Variants in DPP6 observed in about 807,000 individuals in gnomAD.
DPP6 encodes the protein A-type potassium channel modulatory protein DPP6.
Under a neutral mutation model 122.6 loss-of-function variants are expected in DPP6, and 69 were observed. The observed-to-expected ratio is 0.56, with a 90% confidence interval of 0.46 to 0.69. DPP6 has a LOEUF of 0.69. DPP6 is among the 30% of genes least tolerant of loss of function. The pLI, the probability that DPP6 is intolerant of heterozygous loss-of-function variation, is 0.00. For synonymous variants in DPP6, 418 were observed against 433.1 expected, an observed-to-expected ratio of 0.97 and a Z score of 0.43; for missense variants, 928 against 1,116.9, an observed-to-expected ratio of 0.83 and a Z score of 2.41.
intron 1 of DPP6, among the ~76,000 whole-genome samples, chr7:154,396,621 T>G (rs1313945649): frequency 2.0e-5 from 3 of 152,238 alleles, no homozygotes; most frequent in Non-Finnish European, 4.4e-5. Context: ...TTGGTTTCCC[T>G]GATATTTTTC....
intron 12 of DPP6, among the ~76,000 whole-genome samples, chr7:154,799,350 T>C (rs968673555): frequency 6.6e-6 from 1 of 152,126 alleles, no homozygotes; most frequent in Non-Finnish European, 1.5e-5. Flanking sequence ...CCTCTAGGAA[T>C]ATTCCAGAGA....
chr7:154,389,957 G>A (rs767863734), intron 1 of DPP6, among the ~76,000 whole-genome samples: 6 of 152,206 alleles, frequency 3.9e-5, no homozygotes, highest in Admixed American at 2.0e-4. Context: ...ATGCGGGTTT[G>A]CAATGTTCAA....
the DPP6 span, among the ~76,000 whole-genome samples, chr7:153,782,858 T>C: frequency 6.6e-6 from 1 of 152,094 alleles, no homozygotes; most frequent in Non-Finnish European, 1.5e-5. Flanking sequence ...TCAAGGTCCA[T>C]AGACATGGAA....
In DPP6 at chr7:154,727,752, C is replaced by A; in HGVS notation, c.763-15C>A. 1 of 1,596,538 alleles carries A rather than the reference C, an allele frequency of 6.3e-7. No homozygotes were observed. Among genetic ancestry groups the A allele is most frequent in the Non-Finnish European group, 8.5e-7 (1 of 1,171,338 alleles). On this transcript the variant is annotated splice_polypyrimidine_tract_variant and intron_variant, in intron 7 of 25. Transcript: ENST00000377770. ...TCCTTGCTTAATATTATGCTTTTTT[C>A]TCTTTCCAAATTAGATATTTATTTT... is the stretch of plus-strand genomic sequence containing the variant.
At chr7:153,873,632 C>A in the DPP6 span, among the ~76,000 whole-genome samples, 5 of 152,142 alleles carry the variant, frequency 3.3e-5, no homozygotes, top group Non-Finnish European at 7.3e-5. Flanking sequence ...GGAGGGGCTT[C>A]CTTGTGAACA....
intron 6 of DPP6, 108 bp from the exon 7 acceptor site, chr7:154,669,252 A>G: frequency 1.3e-6 from 2 of 1,502,798 alleles, no homozygotes; most frequent in East Asian, 2.5e-5. Context: ...AATGGATACC[A>G]TGGAAGGAGA....
intron 1 of DPP6, among the ~76,000 whole-genome samples, chr7:154,201,166 C>A (rs913588956): frequency 1.3e-5 from 2 of 152,066 alleles, no homozygotes; most frequent in Middle Eastern, 3.4e-3. Flanking sequence ...TCCCTCCTGT[C>A]CCCCAGGCTG....
intron 3 of DPP6, among the ~76,000 whole-genome samples, chr7:154,518,389 A>G (rs1257070016): frequency 6.6e-6 from 1 of 152,200 alleles, no homozygotes; most frequent in Non-Finnish European, 1.5e-5. Context: ...CAGGATTTTG[A>G]ATTTTTAAAG....
At chr7:153,904,020 G>T (rs930699392) in intron 1 of DPP6, among the ~76,000 whole-genome samples, 1 of 152,098 alleles carries the variant, frequency 6.6e-6, no homozygotes, top group African/African-American at 2.4e-5. Flanking sequence ...AAAGTATTTT[G>T]CTAACTAGCG....
intron 5 of DPP6, among the ~76,000 whole-genome samples, chr7:154,621,695 C>T (rs923426388): frequency 5.9e-5 from 9 of 152,092 alleles, no homozygotes; most frequent in African/African-American, 9.7e-5. Context: ...AATTCTAGGC[C>T]GTAATTTTTT....
rs769081715 is a variant in DPP6, at chr7:153,944,663, G to GTTTTT, written c.51+56929_51+56930insTTTTT. Among the ~76,000 whole-genome samples, 733 of 103,620 alleles carry GTTTTT rather than the reference G, an allele frequency of 7.1e-3. 46 individuals are homozygous for GTTTTT. The highest frequency in any genetic ancestry group is 0.013 in the East Asian group (47 of 3,760). The allele number at this position is 103,620 out of a possible 152,430, so 68.0% of individuals were successfully genotyped here. On this transcript the variant is annotated intron_variant, in intron 1 of 25. Transcript: ENST00000404039. ...ACCATCAGTTTCTTATTTTTGTGTGGGTTTTTTTTTTTTTTTTTTTTTTGA... is the reference window on the plus strand; with the variant it reads ...ACCATCAGTTTCTTATTTTTGTGTGGTTTTTGTTTTTTTTTTTTTTTTTTTTTTGA...
the DPP6 span, among the ~76,000 whole-genome samples, chr7:153,852,150 T>C: frequency 6.6e-6 from 1 of 152,198 alleles, no homozygotes; most frequent in Non-Finnish European, 1.5e-5. Flanking sequence ...TCTGTTAGGC[T>C]CGATGTCAGC....
chr7:154,516,623 C>T (rs1339441579), intron 3 of DPP6, among the ~76,000 whole-genome samples: 1 of 152,156 alleles, frequency 6.6e-6, no homozygotes, highest in Non-Finnish European at 1.5e-5. Context: ...TCTGATTTAA[C>T]ACATGGAGTG....
At chr7:154,425,619 T>TGG (rs1491181265) in intron 1 of DPP6, among the ~76,000 whole-genome samples, 23 of 103,222 alleles carry the variant, frequency 2.2e-4, no homozygotes, top group African/African-American at 1.2e-3. Flanking sequence ...TGTGTGTGTG[T>TGG]GGGTGTGTGT....
chr7:153,864,200 G>A, the DPP6 span, among the ~76,000 whole-genome samples: 32 of 152,220 alleles, frequency 2.1e-4, no homozygotes, highest in Non-Finnish European at 3.8e-4. Context: ...CAGTCCCACC[G>A]GTAATGTATG....
At chr7:154,211,846 C>G (rs1799758699) in intron 1 of DPP6, among the ~76,000 whole-genome samples, 1 of 152,188 alleles carries the variant, frequency 6.6e-6, no homozygotes, top group Non-Finnish European at 1.5e-5. Flanking sequence ...TCAGGGTCCA[C>G]ACAGGGAAGG....
chr7:153,876,414 ACAC>A, the DPP6 span, among the ~76,000 whole-genome samples: 1 of 151,958 alleles, frequency 6.6e-6, no homozygotes, highest in Non-Finnish European at 1.5e-5. Context: ...TCACACACAC[ACAC>A]ACACACACAC....
At chr7:154,451,999 A>G (rs188579553) in intron 2 of DPP6, among the ~76,000 whole-genome samples, 1 of 152,240 alleles carries the variant, frequency 6.6e-6, no homozygotes, top group East Asian at 1.9e-4. Flanking sequence ...ATAAAATTCC[A>G]TCAGGCAGAG....
chr7:154,426,956 G>A (rs539669590), intron 1 of DPP6, among the ~76,000 whole-genome samples: 8 of 151,948 alleles, frequency 5.3e-5, no homozygotes, highest in Non-Finnish European at 8.8e-5. Context: ...TTCTTACCCC[G>A]CCCCCAGGAT....
Sources: gnomAD v4.1 joint callset for allele counts (sites outside exome capture counted in the v4.1 genomes callset) on GRCh38, gnomAD v4.1.1 for gene constraint, MANE v1.5 for transcripts, NCBI Gene and HGNC (gene_info 2026-07-23, HGNC 2026-07-21) for gene names.